Variants in CRAMP1 observed in about 807,000 individuals in gnomAD.
CRAMP1 encodes the protein protein cramped-like.
CRAMP1 carries 50 observed loss-of-function variants against 115.4 expected under a neutral mutation model. The observed-to-expected ratio is 0.43, with a 90% CI of 0.35 to 0.55. The LOEUF (loss-of-function observed/expected upper bound fraction) is 0.55, where lower values mean the gene tolerates loss of function less well. Among genes scored for constraint, CRAMP1 ranks in the 20% least tolerant of loss-of-function variants. The pLI is 0.01. For synonymous variants in CRAMP1, 866 were observed against 745.4 expected, an observed-to-expected ratio of 1.16 and a Z score of -2.64; for missense variants, 1,679 against 1,721.7, an observed-to-expected ratio of 0.98 and a Z score of 0.44.
At chr16:1,622,082 C>T (rs1391768883) in intron 2 of CRAMP1, among the ~76,000 whole-genome samples, 1 of 152,206 alleles carries the variant, frequency 6.6e-6, no homozygotes, top group East Asian at 1.9e-4. Context: ...GTCCCACTTT[C>T]TATTTCATTT....
intron 4 of CRAMP1, among the ~76,000 whole-genome samples, chr16:1,634,757 G>C (rs759686236): frequency 6.6e-6 from 1 of 152,214 alleles, no homozygotes; most frequent in African/African-American, 2.4e-5. Context: ...TGGGGCACCC[G>C]ATGCTGACTT....
chr16:1,617,827 T>A (rs2036433680), intron 2 of CRAMP1, among the ~76,000 whole-genome samples: 1 of 152,252 alleles, frequency 6.6e-6, no homozygotes, highest in Admixed American at 6.5e-5. Flanking sequence ...AATTTAAATC[T>A]TCTTGCATTG....
intron 5 of CRAMP1, among the ~76,000 whole-genome samples, chr16:1,640,444 G>A (rs2036622537): frequency 6.6e-6 from 1 of 152,076 alleles, no homozygotes; most frequent in Admixed American, 6.6e-5. Context: ...CTTTGGTTTT[G>A]GTTTTCAGCC....
At chr16:1,643,607 G>C (rs565810595) in intron 6 of CRAMP1, among the ~76,000 whole-genome samples, 2 of 152,086 alleles carry the variant, frequency 1.3e-5, no homozygotes, top group African/African-American at 2.4e-5. Flanking sequence ...GCAGGCATGG[G>C]CCTGGGCCAT....
chr16:1,615,061 C>T (rs1046444959), intron 2 of CRAMP1, 76 bp downstream of exon 2: 2 of 919,722 alleles, frequency 2.2e-6, no homozygotes, highest in Non-Finnish European at 2.8e-6. Context: ...CCCCTCGCCC[C>T]AGCCGGGCTC....
At chr16:1,670,502 A>G in intron 19 of CRAMP1, 162 bp from the exon 20 acceptor site, 1 of 704,804 alleles carries the variant, frequency 1.4e-6, no homozygotes, top group Non-Finnish European at 2.5e-6. Context: ...AGAGCTCGTC[A>G]CGGCGTGTTG....
Position 1,614,988 on chromosome 16 carries a change from AG to A in CRAMP1, c.346+6del. On this transcript the variant is annotated splice_donor_region_variant and intron_variant, in intron 2 of 20. Transcript: ENST00000397412. This position sits in a 1 kb window ranked among gnomAD's most constrained non-coding sequence, Gnocchi z 4.4. ...TGGCTCGGGGCCCCGCGGAAAAGGT[AG>A]GGCGGCCCGTCCCCTTGGGAGACCC... 1 of 1,249,460 alleles carries A rather than the reference AG, an allele frequency of 8.0e-7. No homozygotes were observed. The allele number at this position is 1,249,460 out of a possible 1,614,324, so 77.4% of individuals were successfully genotyped here. A position where few individuals can be genotyped will look rare whatever the true frequency, so the allele number is the denominator to read the frequency against.
At chr16:1,660,940 C>T (rs1411290548) in intron 11 of CRAMP1, among the ~76,000 whole-genome samples, 2 of 152,062 alleles carry the variant, frequency 1.3e-5, no homozygotes, top group African/African-American at 2.4e-5. Flanking sequence ...ACCCGGAAGG[C>T]GGAGGTTGCA....
At chr16:1,657,121 A>AG (rs1376196122) in intron 10 of CRAMP1, 129 bp downstream of exon 10, 1 of 869,492 alleles carries the variant, frequency 1.2e-6, no homozygotes. Context: ...GTCCTGTGGC[A>AG]GGGGGCCAGG....
intron 10 of CRAMP1, among the ~76,000 whole-genome samples, chr16:1,657,319 C>T (rs556282200): frequency 6.6e-6 from 1 of 152,352 alleles, no homozygotes; most frequent in African/African-American, 2.4e-5. Flanking sequence ...CTGTGTGGGA[C>T]ATGGAAGAAG....
chr16:1,651,153 C>T (rs890493384), intron 6 of CRAMP1, among the ~76,000 whole-genome samples: 1 of 150,878 alleles, frequency 6.6e-6, no homozygotes, highest in Admixed American at 6.6e-5. Context: ...ACAGAGGTCA[C>T]GAAAAGGTGG....
At chr16:1,654,142 CAAAAA>C (rs1271683909) in intron 8 of CRAMP1, among the ~76,000 whole-genome samples, 1 of 82,452 alleles carries the variant, frequency 1.2e-5, no homozygotes, top group Admixed American at 1.3e-4. Flanking sequence ...GATTCCATCT[CAAAAA>C]AAAAAAAAAG....
intron 16 of CRAMP1, 64 bp from the exon 17 acceptor site, chr16:1,667,271 G>T: frequency 7.5e-7 from 1 of 1,325,744 alleles, no homozygotes; most frequent in South Asian, 1.2e-5. Context: ...ACTCTGTCGC[G>T]GGTGAGGGTA....
chr16:1,655,387 G>T (rs1041966910), intron 9 of CRAMP1, 87 bp downstream of exon 9: 5 of 1,067,008 alleles, frequency 4.7e-6, no homozygotes, highest in Non-Finnish European at 5.8e-6. Context: ...GCCTGTCATC[G>T]TCATGGTCCC....
intron 6 of CRAMP1, among the ~76,000 whole-genome samples, chr16:1,647,976 G>A (rs190844729): frequency 1.7e-3 from 255 of 152,178 alleles, no homozygotes; most frequent in Non-Finnish European, 2.5e-4. Flanking sequence ...CCTGGCTTTC[G>A]CACTTGAACA....
At chr16:1,634,662 T>C (rs1320462544) in intron 4 of CRAMP1, among the ~76,000 whole-genome samples, 1 of 151,906 alleles carries the variant, frequency 6.6e-6, no homozygotes, top group Non-Finnish European at 1.5e-5. Context: ...AGCTCACCGT[T>C]CTCCCGTGTT....
At chr16:1,628,415 G>A (rs1157755356) in intron 3 of CRAMP1, among the ~76,000 whole-genome samples, 2 of 152,100 alleles carry the variant, frequency 1.3e-5, no homozygotes, top group Non-Finnish European at 1.5e-5. Context: ...CACCACACCC[G>A]GCTAATTTTT....
chr16:1,621,901 A>G (rs1286153158), intron 2 of CRAMP1, among the ~76,000 whole-genome samples: 1 of 151,740 alleles, frequency 6.6e-6, no homozygotes, highest in Non-Finnish European at 1.5e-5. Context: ...AAGCCCACCT[A>G]GTTTTGTTTA....
At chr16:1,658,654 A>T (rs1314637333) in intron 10 of CRAMP1, among the ~76,000 whole-genome samples, 5 of 152,170 alleles carry the variant, frequency 3.3e-5, no homozygotes, top group Non-Finnish European at 5.9e-5. Context: ...CAAGCACCCC[A>T]AAAGGCCCGA....
Sources: gnomAD v4.1 joint callset for allele counts (sites outside exome capture counted in the v4.1 genomes callset) on GRCh38, gnomAD v4.1.1 for gene constraint, Gnocchi (gnomAD v3.1) non-coding constraint, MANE v1.5 for transcripts, NCBI Gene and HGNC (gene_info 2026-07-23, HGNC 2026-07-21) for gene names.